B4GALT1: variants seen among roughly 807,000 people sequenced by gnomAD.
B4GALT1 encodes beta-1,4-galactosyltransferase 1.
In B4GALT1, 16 loss-of-function variants were observed where a neutral mutation model predicts 34.9. That is an observed-to-expected ratio of 0.46 (90% CI 0.31 to 0.70). The LOEUF (loss-of-function observed/expected upper bound fraction) is 0.70. B4GALT1 is among the 30% of genes least tolerant of loss of function. B4GALT1 has a pLI of 0.05. For synonymous variants in B4GALT1, 221 were observed against 218.1 expected, an observed-to-expected ratio of 1.01 and a Z score of -0.12; for missense variants, 445 against 530.5, an observed-to-expected ratio of 0.84 and a Z score of 1.58.
chr9:33,183,028 C>T, the B4GALT1 span, among the ~76,000 whole-genome samples: 2 of 152,178 alleles, frequency 1.3e-5, no homozygotes, highest in East Asian at 3.8e-4. Flanking sequence ...TTATCCATCG[C>T]TTTCCGATGT....
In B4GALT1 at chr9:33,113,418, G is replaced by T; in HGVS notation, c.*36C>A. On this transcript the variant is annotated 3_prime_UTR_variant, in exon 6 of 6. Coordinates refer to ENST00000379731, the MANE Select transcript of B4GALT1 (RefSeq NM_001497.4). ...GCAGAGACACACAGCAGAGGTCCCTGGCTAATTTCAGGTCTCTTATCCGTG... is the reference window on the plus strand; with the variant it reads ...GCAGAGACACACAGCAGAGGTCCCTTGCTAATTTCAGGTCTCTTATCCGTG... The T allele has an allele frequency of 1.2e-6, 2 of 1,613,912 alleles. No individual in the cohort carries two copies. The highest frequency in any genetic ancestry group is 8.5e-7 in the Non-Finnish European group (1 of 1,179,870).
At chr9:33,107,163 GA>G (rs1397938134), downstream of B4GALT1, among the ~76,000 whole-genome samples, 1 of 152,288 alleles carries the variant, frequency 6.6e-6, no homozygotes, top group East Asian at 1.9e-4. Context: ...CTGAAGCCCA[GA>G]AAAAGGCAGT....
chr9:33,170,540 A>G (rs1840830973), upstream of B4GALT1, among the ~76,000 whole-genome samples: 1 of 152,164 alleles, frequency 6.6e-6, no homozygotes, highest in South Asian at 2.1e-4. Flanking sequence ...TAGCCAGGAG[A>G]CAGGACTGCG....
intron 1 of B4GALT1, among the ~76,000 whole-genome samples, chr9:33,138,975 T>A (rs1221546528): frequency 1.3e-5 from 2 of 150,968 alleles, no homozygotes; most frequent in Admixed American, 6.6e-5. Context: ...CACCCTCACA[T>A]ACACACACAC....
intron 2 of B4GALT1, 24 bp from the exon 3 acceptor site, chr9:33,120,630 A>T: frequency 6.2e-7 from 1 of 1,613,130 alleles, no homozygotes; most frequent in Non-Finnish European, 8.5e-7. Context: ...AAAAACAGTG[A>T]TATCAAATGC....
chr9:33,149,198 T>A (rs200134382), intron 1 of B4GALT1, among the ~76,000 whole-genome samples: 1 of 119,630 alleles, frequency 8.4e-6, no homozygotes, highest in South Asian at 2.8e-4. Context: ...AGAAAAAAAA[T>A]TTAAAAAAAA....
intron 1 of B4GALT1, among the ~76,000 whole-genome samples, chr9:33,149,452 G>C (rs1564050366): frequency 6.6e-6 from 1 of 151,866 alleles, no homozygotes; most frequent in African/African-American, 2.4e-5. Context: ...CTAATTTTTT[G>C]TATTTTTTAT....
At chr9:33,172,919 G>C in the B4GALT1 span, among the ~76,000 whole-genome samples, 1 of 150,424 alleles carries the variant, frequency 6.6e-6, no homozygotes, top group Non-Finnish European at 1.5e-5. Flanking sequence ...AGCCCAACCA[G>C]GATAGGGAGG....
rs140793406 is a variant in B4GALT1, at chr9:33,111,049, A to AC, written c.*2404dup. The stretch of plus-strand genomic sequence containing the variant: ...CCCAGGAAAAGGAAATGCTCCCTGA[A>AC]CCCCCAGCCCTGAAATCCCCAGTAA... On this transcript the variant is annotated 3_prime_UTR_variant, in exon 6 of 6. Transcript: ENST00000379731. 9,316 of 152,224 alleles carry AC rather than the reference A, an allele frequency of 0.061. 313 individuals carry two copies. Among genetic ancestry groups the AC allele is most frequent in the Non-Finnish European group, 0.069 (4,686 of 68,024 alleles). 9.4% of individuals were successfully genotyped at this position (152,224 alleles called of 1,614,324 possible).
At position 33,135,193 on chromosome 9, in the gene B4GALT1, T is replaced by G; in HGVS notation, c.644A>C (p.Asn215Thr). ...QQLDYGIYVI[N>T]QAGDTIFNRA... is the part of the protein sequence containing the mutation. ...TTCCACCTTCCCAGGCCTCACCTGG[T>G]TGATAACATAGATGCCATAGTCCAG... Residue 215 changes from asparagine (N) to threonine (T), a missense_variant, in exon 2 of 6, where the codon AAC becomes ACC. Around this residue, in one of 3 missense-constraint regions of B4GALT1, gnomAD observed 349 missense variants for 395.5 expected, o/e 0.88. Transcript: ENST00000379731. 1 of 1,613,728 alleles carries G rather than the reference T, an allele frequency of 6.2e-7. No individual in the cohort carries two copies. The highest frequency in any genetic ancestry group is 1.1e-5 in the South Asian group (1 of 91,058).
intron 1 of B4GALT1, among the ~76,000 whole-genome samples, chr9:33,159,390 G>GAC (rs1188864261): frequency 7.2e-5 from 11 of 152,188 alleles, no homozygotes; most frequent in African/African-American, 2.7e-4. Flanking sequence ...TCACACTGCT[G>GAC]ACATAATCCT....
At chr9:33,124,580 G>A (rs1238999395) in intron 2 of B4GALT1, among the ~76,000 whole-genome samples, 1 of 152,144 alleles carries the variant, frequency 6.6e-6, no homozygotes, top group Admixed American at 6.5e-5. Context: ...AGGTTGCAGT[G>A]AGCCATGACA....
rs886063873 is a variant in B4GALT1, at chr9:33,113,203, G to C, written c.*251C>G. ...ATGTGTACAGTTCTGACTCTGGGGT[G>C]ACACTGCGAACACATCAAGAAACCC... On this transcript the variant is annotated 3_prime_UTR_variant, in exon 6 of 6. Transcript: ENST00000379731. The C allele has an allele frequency of 2.2e-5, 12 of 552,666 alleles. No homozygotes were observed. Among genetic ancestry groups the C allele is most frequent in the Non-Finnish European group, 3.9e-5 (12 of 306,378 alleles). The allele number at this position is 552,666 out of a possible 1,614,324, so 34.2% of individuals were successfully genotyped here. A position where few individuals can be genotyped will look rare whatever the true frequency, so the allele number is the denominator to read the frequency against.
chr9:33,155,357 A>G (rs1000247465), intron 1 of B4GALT1, among the ~76,000 whole-genome samples: 1 of 152,146 alleles, frequency 6.6e-6, no homozygotes, highest in African/African-American at 2.4e-5. Context: ...GGCACACAAG[A>G]CTGAGCCCGC....
chr9:33,136,346 C>T (rs1328270563), intron 1 of B4GALT1, among the ~76,000 whole-genome samples: 6 of 152,142 alleles, frequency 3.9e-5, no homozygotes, highest in East Asian at 3.9e-4. Context: ...CGTCACATAC[C>T]GGGTATGTGG....
upstream of B4GALT1, among the ~76,000 whole-genome samples, chr9:33,170,071 G>A (rs1235232888): frequency 6.8e-6 from 1 of 148,086 alleles, no homozygotes; most frequent in Non-Finnish European, 1.5e-5. Flanking sequence ...CTGGGTTCAC[G>A]CCATTCTCCT....
At chr9:33,161,931 G>T (rs1416056540) in intron 1 of B4GALT1, among the ~76,000 whole-genome samples, 1 of 152,144 alleles carries the variant, frequency 6.6e-6, no homozygotes, top group African/African-American at 2.4e-5. Context: ...CACACCCATA[G>T]CCCAGCTGAG....
chr9:33,163,488 G>T (rs3780480), intron 1 of B4GALT1, among the ~76,000 whole-genome samples: 38,917 of 151,990 alleles, frequency 0.26, 5,327 homozygotes, highest in East Asian at 0.52. Flanking sequence ...CCCCCTGAGG[G>T]GACTGTACCA....
chr9:33,109,553 C>T (rs991356375), downstream of B4GALT1, among the ~76,000 whole-genome samples: 3 of 152,250 alleles, frequency 2.0e-5, no homozygotes, highest in Non-Finnish European at 4.4e-5. Flanking sequence ...ACCTGCAGCT[C>T]AGCTACTTCT....
Sources: gnomAD v4.1 joint callset for allele counts (sites outside exome capture counted in the v4.1 genomes callset) on GRCh38, gnomAD v4.1.1 for gene constraint, gnomAD v4.1.1 regional missense constraint, MANE v1.5 for transcripts, NCBI Gene and HGNC (gene_info 2026-07-23, HGNC 2026-07-21) for gene names.